Variants in USP34 observed in about 807,000 individuals in gnomAD.
USP34 encodes ubiquitin specific peptidase 34, also known as ubiquitin carboxyl-terminal hydrolase 34.
USP34 carries 70 observed loss-of-function variants against 460.3 expected under a neutral mutation model. The ratio of observed to expected loss-of-function variants is 0.15; its 90% confidence interval spans 0.13 to 0.19. The LOEUF is 0.19. Among genes scored for constraint, USP34 ranks in the 10% least tolerant of loss-of-function variants. The probability of loss-of-function intolerance (pLI) is 1.00; values close to 1 mark genes in which losing one functional copy is unlikely to be tolerated. For synonymous variants in USP34, 1,647 were observed against 1,405.3 expected, an observed-to-expected ratio of 1.17 and a Z score of -3.85; for missense variants, 3,985 against 4,236.2, an observed-to-expected ratio of 0.94 and a Z score of 1.65.
At position 61,223,258 on chromosome 2, in the gene USP34, G is replaced by C. The variant is rs1687639902; in HGVS notation, c.7634C>G (p.Thr2545Arg). 6.2e-7 allele frequency: 1 copy of C among 1,613,824 alleles called. No individual in the cohort carries two copies. Among genetic ancestry groups the C allele is most frequent in the South Asian group, 1.1e-5 (1 of 91,070 alleles). Reference protein sequence around the residue: ...TLSQTDMAALTGGKGFPFLFQ... With the variant: ...TLSQTDMAALRGGKGFPFLFQ... ...TAGAGAATGTACTACCTTTCCTCCT[G>C]TTAATGCTGCCATGTCAGTCTGTGA... is the stretch of plus-strand genomic sequence containing the variant. The change falls in exon 63 of 80, where the codon ACA (threonine) becomes AGA (arginine). Residue 2545 changes from threonine (T) to arginine (R), a missense_variant. Transcript: ENST00000398571.
chr2:61,341,819 G>C (rs1455361729), intron 16 of USP34, among the ~76,000 whole-genome samples: 1 of 143,102 alleles, frequency 7.0e-6, no homozygotes, highest in Non-Finnish European at 1.5e-5. Context: ...GGAGTGGAGT[G>C]GTATGATCTT....
At chr2:61,436,084 C>T (rs1694805530) in intron 1 of USP34, among the ~76,000 whole-genome samples, 1 of 151,966 alleles carries the variant, frequency 6.6e-6, no homozygotes, top group Non-Finnish European at 1.5e-5. Context: ...AAAAATTCAA[C>T]AATATGCTGT....
Position 61,395,170 on chromosome 2 carries a change from G to T in USP34, c.603+13C>A. 6.7e-7 allele frequency: 1 copy of T among 1,492,724 alleles called. No homozygotes were observed. The highest frequency in any genetic ancestry group is 9.1e-7 in the Non-Finnish European group (1 of 1,096,644). The allele number at this position is 1,492,724 out of a possible 1,614,324, so 92.5% of individuals were successfully genotyped here. A position where few individuals can be genotyped will look rare whatever the true frequency, so the allele number is the denominator to read the frequency against. ...AAATTTTCCATAAAAGAATAAAAAA[G>T]GTAAACACTTACATTCATATCACAG... On this transcript the variant is annotated intron_variant, in intron 4 of 79. Transcript: ENST00000398571.
chr2:61,222,822 A>T (rs1377187268), intron 64 of USP34, 159 bp from the exon 65 acceptor site: 1 of 729,062 alleles, frequency 1.4e-6, no homozygotes, highest in Admixed American at 2.8e-5. Context: ...TCAGCCTCCG[A>T]GTGGCTGGGA....
At chr2:61,395,722 C>CT (rs1300413262) in intron 3 of USP34, among the ~76,000 whole-genome samples, 1 of 137,068 alleles carries the variant, frequency 7.3e-6, no homozygotes, top group African/African-American at 2.8e-5. Context: ...GAAGGCGGAG[C>CT]TTGCAGTGAG....
chr2:61,194,765 G>C (rs1330842174), intron 75 of USP34, among the ~76,000 whole-genome samples: 2 of 152,150 alleles, frequency 1.3e-5, no homozygotes, highest in Non-Finnish European at 2.9e-5. Flanking sequence ...CAACCAGCCT[G>C]ACCAACATGG....
At chr2:61,231,568 A>G (rs1687906769) in intron 58 of USP34, among the ~76,000 whole-genome samples, 1 of 152,118 alleles carries the variant, frequency 6.6e-6, no homozygotes, top group African/African-American at 2.4e-5. Context: ...TACAAAAATT[A>G]GCCAGGTGTG....
intron 15 of USP34, among the ~76,000 whole-genome samples, chr2:61,347,127 G>A (rs192432499): frequency 4.9e-4 from 75 of 152,094 alleles, no homozygotes; most frequent in South Asian, 2.1e-3. Context: ...GCAACAGAGC[G>A]AGACCCTGTC....
At chr2:61,411,810 C>A (rs548179993) in intron 2 of USP34, among the ~76,000 whole-genome samples, 10 of 152,262 alleles carry the variant, frequency 6.6e-5, no homozygotes, top group African/African-American at 2.2e-4. Flanking sequence ...CTTTTTAGTA[C>A]CCCTCTTATT....
At chr2:61,450,137 C>T (rs1350427723) in intron 1 of USP34, among the ~76,000 whole-genome samples, 1 of 151,382 alleles carries the variant, frequency 6.6e-6, no homozygotes, top group East Asian at 1.9e-4. Flanking sequence ...TATGCTACAA[C>T]ATGGACAAAA....
chr2:61,453,835 GA>G (rs1281722311), intron 1 of USP34, among the ~76,000 whole-genome samples: 3 of 151,512 alleles, frequency 2.0e-5, no homozygotes, highest in African/African-American at 7.3e-5. Context: ...TTTTAAACAG[GA>G]AAACATTAGT....
Position 61,229,480 on chromosome 2 carries a change from A to AAG in USP34, c.7199+67_7199+68insCT, listed in dbSNP as rs1274322858. ...CTTAAAAAAAAAAAAAAAAAACAAAAAAAAAAAACAAAAACACCACACACA... is the reference window on the plus strand; with the variant it reads ...CTTAAAAAAAAAAAAAAAAAACAAAAAGAAAAAAAACAAAAACACCACACACA... On this transcript the variant is annotated intron_variant, in intron 59 of 79. Transcript: ENST00000398571. The AAG allele has an allele frequency of 4.6e-5, 36 of 780,490 alleles. 1 individual carries two copies. Among genetic ancestry groups the AAG allele is most frequent in the Non-Finnish European group, 6.0e-5 (35 of 579,812 alleles). 48.3% of individuals were successfully genotyped at this position (780,490 alleles called of 1,614,324 possible). A position where few individuals can be genotyped will look rare whatever the true frequency, so the allele number is the denominator to read the frequency against.
chr2:61,269,884 G>A (rs186652543), intron 41 of USP34, among the ~76,000 whole-genome samples: 2 of 152,170 alleles, frequency 1.3e-5, no homozygotes, highest in Admixed American at 6.5e-5. Flanking sequence ...GAATACCTGT[G>A]ATTTCAAGCA....
At chr2:61,432,225 G>C (rs1476577968) in intron 1 of USP34, among the ~76,000 whole-genome samples, 3 of 151,504 alleles carry the variant, frequency 2.0e-5, no homozygotes, top group Non-Finnish European at 4.4e-5. Flanking sequence ...TGTAATCCTA[G>C]CACTTTGAGT....
At chr2:61,448,139 A>G (rs1573052744) in intron 1 of USP34, among the ~76,000 whole-genome samples, 1 of 152,360 alleles carries the variant, frequency 6.6e-6, no homozygotes, top group East Asian at 1.9e-4. Flanking sequence ...AGTTTTATCC[A>G]TGACACTTTT....
chr2:61,451,001 C>G (rs886801321), intron 1 of USP34, among the ~76,000 whole-genome samples: 1 of 149,998 alleles, frequency 6.7e-6, no homozygotes, highest in African/African-American at 2.5e-5. Flanking sequence ...AGGCGGATCA[C>G]GAGGTCAAGA....
intron 16 of USP34, among the ~76,000 whole-genome samples, chr2:61,343,073 T>C (rs545062621): frequency 2.0e-5 from 3 of 152,350 alleles, no homozygotes; most frequent in African/African-American, 7.2e-5. Flanking sequence ...TAAGTGTGTT[T>C]ATGGCCTCTT....
At chr2:61,234,491 A>AT (rs1306780594) in intron 57 of USP34, among the ~76,000 whole-genome samples, 5 of 151,438 alleles carry the variant, frequency 3.3e-5, no homozygotes, top group African/African-American at 1.2e-4. Flanking sequence ...GGATAGGTGA[A>AT]TTTTTTTTTG....
chr2:61,267,926 T>C (rs1404472938), intron 41 of USP34, among the ~76,000 whole-genome samples: 1 of 152,026 alleles, frequency 6.6e-6, no homozygotes, highest in Non-Finnish European at 1.5e-5. Context: ...AGTTAATTTT[T>C]TGTATTTTTA....
Sources: gnomAD v4.1 joint callset for allele counts (sites outside exome capture counted in the v4.1 genomes callset) on GRCh38, gnomAD v4.1.1 for gene constraint, MANE v1.5 for transcripts, NCBI Gene and HGNC (gene_info 2026-07-23, HGNC 2026-07-21) for gene names.